Variants in SUPT16H observed in about 807,000 individuals in gnomAD.
SUPT16H encodes FACT complex subunit SPT16.
A neutral mutation model predicts 136.2 loss-of-function variants in SUPT16H; 24 were observed. The observed-to-expected ratio is 0.18, with a 90% CI of 0.13 to 0.25. SUPT16H has a LOEUF of 0.25. Among genes scored for constraint, SUPT16H ranks in the 10% least tolerant of loss-of-function variants. The pLI is 1.00. For missense variants in SUPT16H, 623 were observed against 1,270.2 expected, an observed-to-expected ratio of 0.49 and a Z score of 7.74; for synonymous variants, 415 against 428.2, an observed-to-expected ratio of 0.97 and a Z score of 0.38.
At chr14:21,362,398 TAA>T in intron 14 of SUPT16H, 74 bp from the exon 15 acceptor site, 1 of 1,481,094 alleles carries the variant, frequency 6.8e-7, no homozygotes, top group South Asian at 1.3e-5. Context: ...ATGTTAAAAT[TAA>T]GTTAGGAGTT....
Position 21,369,890 on chromosome 14 carries a change from T to A in SUPT16H, c.490A>T (p.Ile164Phe). 3 of 1,613,926 alleles carry A rather than the reference T, an allele frequency of 1.9e-6. No homozygotes were observed. The highest frequency in any genetic ancestry group is 1.7e-6 in the Non-Finnish European group (2 of 1,179,912). ...ATGGTATATGCCACAACTGCACTGA[T>A]ATCTATCTGCAGTCAAAGTGACAAG... ...LNKEGFDKID[I>F]SAVVAYTIAV... The change falls in exon 5 of 26, where the codon ATC (isoleucine) becomes TTC (phenylalanine). Residue 164 changes from isoleucine (I) to phenylalanine (F), a missense_variant. Physicochemically the swap from Ile to Phe is conservative, Grantham distance 21. This residue lies in a region of SUPT16H where 343 missense variants were observed against 525.7 expected (regional missense o/e 0.65). Transcript: ENST00000216297.
At chr14:21,356,651 G>A (rs771490018) in intron 22 of SUPT16H, among the ~76,000 whole-genome samples, 5 of 152,154 alleles carry the variant, frequency 3.3e-5, no homozygotes, top group Non-Finnish European at 7.4e-5. Context: ...GATGCAGGAA[G>A]GTTGCCTGAA....
rs1371715129 is a variant in SUPT16H at position 21,363,256 on chromosome 14, C to T, written c.1372G>A (p.Ala458Thr). The change falls in exon 12 of 26, where the codon GCA becomes ACA. Residue 458 changes from alanine to threonine, a missense_variant. By Grantham distance (58) the Ala-to-Thr change is moderately conservative. This residue lies in a region of SUPT16H where 5 missense variants were observed against 29.6 expected (regional missense o/e 0.17). Transcript: ENST00000216297. Reference protein sequence around the residue: ...EDLLGRGSRAALLTERTRNEM... With the variant: ...EDLLGRGSRATLLTERTRNEM... ...ACTCTTGTTCTTTCTGTAAGTAATG[C>T]TGCCCGAGAACCTCTTCCCAAAAGG... 1.2e-6 allele frequency: 2 copies of T among 1,614,006 alleles called. No homozygotes were observed. The highest frequency in any genetic ancestry group is 1.7e-6 in the Non-Finnish European group (2 of 1,180,002).
intron 3 of SUPT16H, among the ~76,000 whole-genome samples, chr14:21,370,905 A>C (rs1886772302): frequency 6.6e-6 from 1 of 152,048 alleles, no homozygotes; most frequent in Admixed American, 6.6e-5. Context: ...CCTCCCGAGC[A>C]GCTGGGATTA....
rs937858879 is a variant in SUPT16H at position 21,355,532 on chromosome 14, A to G, written c.2661-992T>C. On this transcript the variant is annotated intron_variant, in intron 22 of 25. Transcript: ENST00000216297. ...TAATAATAAAAAAAAAAAAAAAAAAAAAAAGAAAGAAACAGGGACAATTTT... is the reference window on the plus strand; with the variant it reads ...TAATAATAAAAAAAAAAAAAAAAAAGAAAAGAAAGAAACAGGGACAATTTT... Among the ~76,000 whole-genome samples, 116 of 148,038 alleles carry G rather than the reference A, an allele frequency of 7.8e-4. 1 individual carries two copies. The highest frequency in any genetic ancestry group is 2.7e-3 in the African/African-American group (112 of 40,932).
chr14:21,381,608 A>T (rs1035536230), intron 1 of SUPT16H, among the ~76,000 whole-genome samples: 2 of 148,622 alleles, frequency 1.3e-5, no homozygotes, highest in Admixed American at 1.3e-4. Context: ...CTTGGGATTT[A>T]TTTTTTTTTT....
chr14:21,369,177 T>C, intron 6 of SUPT16H, 27 bp downstream of exon 6: 1 of 1,587,094 alleles, frequency 6.3e-7, no homozygotes, highest in Non-Finnish European at 8.6e-7. Flanking sequence ...GTCAAAATGC[T>C]ATATTATGAA....
At chr14:21,369,091 A>G in intron 6 of SUPT16H, 113 bp downstream of exon 6, 1 of 1,259,176 alleles carries the variant, frequency 7.9e-7, no homozygotes, top group South Asian at 1.5e-5. Context: ...AACACTATAC[A>G]TTATATACTT....
chr14:21,352,905 C>T (rs1886350682), intron 25 of SUPT16H, 87 bp from the exon 26 acceptor site: 1 of 1,567,672 alleles, frequency 6.4e-7, no homozygotes, highest in Non-Finnish European at 8.7e-7. Context: ...ACAGAGAATA[C>T]ACTTTGGAAT....
At chr14:21,369,057 G>A in intron 6 of SUPT16H, 147 bp downstream of exon 6, 1 of 822,702 alleles carries the variant, frequency 1.2e-6, no homozygotes, top group Non-Finnish European at 1.8e-6. Context: ...CCTGGGTGAT[G>A]GACACCCAAG....
In SUPT16H at chr14:21,364,881, C is replaced by A. The variant is rs1271051222; in HGVS notation, c.1179G>T (p.Lys393Asn). 1 of 1,613,374 alleles carries A rather than the reference C, an allele frequency of 6.2e-7. No homozygotes were observed. Among genetic ancestry groups the A allele is most frequent in the South Asian group, 1.1e-5 (1 of 91,032 alleles). The change falls in exon 10 of 26, where the codon AAG becomes AAT. Residue 393 changes from lysine (K) to asparagine (N), a missense_variant. Coordinates refer to ENST00000216297, the MANE Select transcript of SUPT16H (RefSeq NM_007192.4). ...FSDLTNKEGK[K>N]PEEKTYALFI... ...ACAGGGCATAGGTTTTCTCTTCTGG[C>A]TTTTTCCCCTCCTTGTTAGTCAGGT...
At chr14:21,378,337 G>C (rs957431064) in intron 1 of SUPT16H, among the ~76,000 whole-genome samples, 7 of 151,754 alleles carry the variant, frequency 4.6e-5, no homozygotes, top group Non-Finnish European at 8.8e-5. Flanking sequence ...ATTAATGCCA[G>C]GAAAAATAAA....
rs181220867 is a variant in SUPT16H, at chr14:21,374,020, G to A, written c.67-590C>T. ...TGGAATTACAGGCATAAGCCACCAT[G>A]CCTGGGCCAAACTAATTTTTTATAT... On this transcript the variant is annotated intron_variant, in intron 1 of 25. Coordinates refer to ENST00000216297, the MANE Select transcript of SUPT16H (RefSeq NM_007192.4). Among the ~76,000 whole-genome samples the A allele has an allele frequency of 2.6e-5, 4 of 152,348 alleles. No individual in the cohort carries two copies. In the East Asian group the frequency reaches 7.7e-4, roughly 29 times the overall value.
chr14:21,377,324 G>C (rs997518244), intron 1 of SUPT16H, among the ~76,000 whole-genome samples: 6 of 152,172 alleles, frequency 3.9e-5, no homozygotes, highest in Non-Finnish European at 4.4e-5. Flanking sequence ...AAATTTCAGA[G>C]AGAACAGGCT....
chr14:21,370,276 A>G (rs1886757893), intron 4 of SUPT16H, 60 bp downstream of exon 4: 1 of 1,564,916 alleles, frequency 6.4e-7, no homozygotes, highest in African/African-American at 1.4e-5. Context: ...TCTGTTATGG[A>G]AGCCCATCAC....
At chr14:21,372,140 T>C (rs750882679) in intron 2 of SUPT16H, 96 bp from the exon 3 acceptor site, 20 of 1,346,418 alleles carry the variant, frequency 1.5e-5, no homozygotes, top group Admixed American at 2.7e-5. Context: ...AAAAATAACA[T>C]GTCTGAAATT....
At chr14:21,370,636 G>C (rs1303639348) in intron 3 of SUPT16H, 148 bp from the exon 4 acceptor site, 7 of 876,156 alleles carry the variant, frequency 8.0e-6, no homozygotes, top group Non-Finnish European at 1.2e-5. Context: ...TAAAGAGACA[G>C]GGTCTTGTTC....
In SUPT16H at chr14:21,352,603, T is replaced by C. The variant is rs1886337508; in HGVS notation, c.*70A>G. The C allele has an allele frequency of 4.4e-6, 7 of 1,603,702 alleles. No individual in the cohort carries two copies. In the Admixed American group the frequency reaches 1.2e-4, roughly 28 times the overall value. ...AATGAAAACGAAAGGAAAAATACAG[T>C]TTCTATGTCATGTAAAATTTTCAGG... On this transcript the variant is annotated 3_prime_UTR_variant, in exon 26 of 26. Coordinates refer to ENST00000216297, the MANE Select transcript of SUPT16H (RefSeq NM_007192.4).
chr14:21,378,696 C>T (rs1278939080), intron 1 of SUPT16H, among the ~76,000 whole-genome samples: 3 of 151,824 alleles, frequency 2.0e-5, no homozygotes, highest in Non-Finnish European at 2.9e-5. Flanking sequence ...AGTTAATAAC[C>T]GTTAAAAATT....
Sources: gnomAD v4.1 joint callset for allele counts (sites outside exome capture counted in the v4.1 genomes callset) on GRCh38, gnomAD v4.1.1 for gene constraint, gnomAD v4.1.1 regional missense constraint, MANE v1.5 for transcripts, NCBI Gene and HGNC (gene_info 2026-07-23, HGNC 2026-07-21) for gene names.